The following RUNX1 variants were observed in gnomAD, a reference collection of about 807,000 sequenced individuals.
RUNX1 encodes RUNX family transcription factor 1, also known as runt-related transcription factor 1.
In RUNX1, 19 loss-of-function variants were observed where a neutral mutation model predicts 42.8. That is an observed-to-expected ratio of 0.44 (90% CI 0.31 to 0.65). The LOEUF (loss-of-function observed/expected upper bound fraction) is 0.65. Among genes scored for constraint, RUNX1 ranks in the 30% least tolerant of loss-of-function variants. The pLI, the probability that RUNX1 is intolerant of heterozygous loss-of-function variation, is 0.07. For missense variants in RUNX1, 528 were observed against 672.0 expected (o/e 0.79, Z 2.37); for synonymous variants, 271 against 289.4 (o/e 0.94, Z 0.64).
intron 2 of RUNX1, among the ~76,000 whole-genome samples, chr21:35,044,508 T>G (rs2059382592): frequency 6.6e-6 from 1 of 152,208 alleles, no homozygotes; most frequent in Non-Finnish European, 1.5e-5. Flanking sequence ...CAATCCTTAC[T>G]CTGCAGATGA....
At chr21:35,009,778 C>T (rs1474184968) in intron 2 of RUNX1, among the ~76,000 whole-genome samples, 1 of 152,150 alleles carries the variant, frequency 6.6e-6, no homozygotes, top group Non-Finnish European at 1.5e-5. Flanking sequence ...AATATGGAAA[C>T]TAAATACTTA....
Position 34,792,127 on chromosome 21 carries a change from C to G in RUNX1, c.*8G>C, listed in dbSNP as rs1353803602. ...CCCGCGGGGCCCAGCCGGGCCAGGC[C>G]TGGCGCCTCAGTAGGGCCTCCACAC... is the stretch of plus-strand genomic sequence containing the variant. On this transcript the variant is annotated 3_prime_UTR_variant, in exon 9 of 9. Transcript: ENST00000675419. The surrounding 1 kb of genome is among the most constrained non-coding windows in gnomAD (Gnocchi z 6.9). 66 of 1,432,358 alleles carry G rather than the reference C, an allele frequency of 4.6e-5. No individual in the cohort carries two copies. The highest frequency in any genetic ancestry group is 5.6e-5 in the Non-Finnish European group (62 of 1,102,740). 88.7% of individuals were successfully genotyped at this position (1,432,358 alleles called of 1,614,324 possible).
intron 2 of RUNX1, among the ~76,000 whole-genome samples, chr21:34,958,482 A>G (rs576907408): frequency 3.0e-4 from 45 of 152,306 alleles, no homozygotes; most frequent in African/African-American, 1.1e-3. Context: ...GAGAAATGCA[A>G]ATCAAAACCA....
At chr21:34,865,236 G>C (rs896207211) in intron 5 of RUNX1, among the ~76,000 whole-genome samples, 1 of 151,804 alleles carries the variant, frequency 6.6e-6, no homozygotes, top group South Asian at 2.1e-4. Context: ...AGGAGCTGGG[G>C]ATGAAGTAGG....
intron 2 of RUNX1, among the ~76,000 whole-genome samples, chr21:34,929,416 G>A (rs2058423378): frequency 6.6e-6 from 1 of 152,178 alleles, no homozygotes; most frequent in Admixed American, 6.5e-5. Context: ...TTTAGGGGCG[G>A]TGGGTGAGGG....
At chr21:34,807,858 G>A (rs1358835257) in intron 7 of RUNX1, among the ~76,000 whole-genome samples, 2 of 152,234 alleles carry the variant, frequency 1.3e-5, no homozygotes, top group Non-Finnish European at 2.9e-5. Context: ...TGTCAGAGGT[G>A]TGTGATGTCA....
At chr21:34,803,927 T>C (rs2834640) in intron 7 of RUNX1, among the ~76,000 whole-genome samples, 12,741 of 152,268 alleles carry the variant, frequency 0.084, 1,435 homozygotes, top group African/African-American at 0.26. Context: ...GAATGTCCTG[T>C]TGCTTCTAGT....
At chr21:34,982,147 G>T (rs2058850997) in intron 2 of RUNX1, among the ~76,000 whole-genome samples, 1 of 152,124 alleles carries the variant, frequency 6.6e-6, no homozygotes, top group African/African-American at 2.4e-5. Flanking sequence ...TTATCACATG[G>T]ATATTAGCGC....
intron 4 of RUNX1, among the ~76,000 whole-genome samples, chr21:34,881,163 T>C (rs540654890): frequency 7.4e-4 from 112 of 152,306 alleles, no homozygotes; most frequent in African/African-American, 2.5e-3. Flanking sequence ...TTTCTCCCGT[T>C]TGAGAAACAG....
chr21:34,861,228 G>A (rs145516375), intron 5 of RUNX1, among the ~76,000 whole-genome samples: 125 of 152,342 alleles, frequency 8.2e-4, no homozygotes, highest in Middle Eastern at 3.4e-3. Flanking sequence ...CTTTCCTACC[G>A]TGGCATCTAG....
At chr21:34,992,415 G>T (rs1488998855) in intron 2 of RUNX1, among the ~76,000 whole-genome samples, 1 of 152,130 alleles carries the variant, frequency 6.6e-6, no homozygotes, top group East Asian at 1.9e-4. Context: ...AGCCACCTGG[G>T]GCTTCAATCT....
intron 5 of RUNX1, among the ~76,000 whole-genome samples, chr21:34,874,935 G>A (rs571481977): frequency 2.0e-4 from 31 of 152,204 alleles, no homozygotes; most frequent in African/African-American, 5.3e-4. Flanking sequence ...CTTCTGTCCC[G>A]ACCAAAAAGA....
chr21:34,979,839 A>G (rs937535377), intron 2 of RUNX1, among the ~76,000 whole-genome samples: 12 of 152,246 alleles, frequency 7.9e-5, no homozygotes, highest in African/African-American at 2.6e-4. Flanking sequence ...CTTGGTCCCA[A>G]AGCAACCTAA....
At chr21:34,863,205 C>A (rs1044253634) in intron 5 of RUNX1, among the ~76,000 whole-genome samples, 1 of 152,218 alleles carries the variant, frequency 6.6e-6, no homozygotes, top group African/African-American at 2.4e-5. Flanking sequence ...GCTTTCTACT[C>A]ACTGTTCTTC....
chr21:34,987,632 T>C (rs2058901185), intron 2 of RUNX1, among the ~76,000 whole-genome samples: 1 of 152,078 alleles, frequency 6.6e-6, no homozygotes, highest in Non-Finnish European at 1.5e-5. Context: ...AGGCCTCCTT[T>C]GAAGTCTGAC....
chr21:34,829,949 G>A (rs746837787), intron 7 of RUNX1: 10 of 152,260 alleles, frequency 6.6e-5, no homozygotes, highest in Admixed American at 5.2e-4. Context: ...AGAATCAGAC[G>A]GACTTAAATA....
chr21:34,978,121 G>C (rs1403993992), intron 2 of RUNX1, among the ~76,000 whole-genome samples: 2 of 152,078 alleles, frequency 1.3e-5, no homozygotes, highest in African/African-American at 4.8e-5. Context: ...GTAGTTTTTA[G>C]TAGAGACGGG....
intron 2 of RUNX1, among the ~76,000 whole-genome samples, chr21:35,000,407 A>AT (rs1473596722): frequency 6.6e-6 from 1 of 151,454 alleles, no homozygotes; most frequent in Non-Finnish European, 1.5e-5. Context: ...CACCTGACTA[A>AT]TTTTTTGTAT....
chr21:34,816,881 A>C (rs1411228210), intron 7 of RUNX1, among the ~76,000 whole-genome samples: 1 of 152,200 alleles, frequency 6.6e-6, no homozygotes, highest in East Asian at 1.9e-4. Context: ...GAGCTTCGGA[A>C]GAATGGAGCA....
Sources: gnomAD v4.1 joint callset for allele counts (sites outside exome capture counted in the v4.1 genomes callset) on GRCh38, gnomAD v4.1.1 for gene constraint, Gnocchi (gnomAD v3.1) non-coding constraint, MANE v1.5 for transcripts, NCBI Gene and HGNC (gene_info 2026-07-23, HGNC 2026-07-21) for gene names.